RREB1: variants seen among roughly 807,000 people sequenced by gnomAD.
RREB1 encodes the protein ras responsive element binding protein 1.
In RREB1, 27 loss-of-function variants were observed where a neutral mutation model predicts 117.8. That is an observed-to-expected ratio of 0.23 (90% CI 0.17 to 0.32). The LOEUF (loss-of-function observed/expected upper bound fraction) is 0.32. Among genes scored for constraint, RREB1 ranks in the 10% least tolerant of loss-of-function variants. RREB1 has a pLI of 1.00. For missense variants in RREB1, 2,577 were observed against 2,378.2 expected (o/e 1.08, Z -1.74); for synonymous variants, 1,298 against 1,026.7 (o/e 1.26, Z -5.05).
chr6:7,216,713 T>C (rs1323280923), intron 8 of RREB1: 1 of 152,200 alleles, frequency 6.6e-6, no homozygotes, highest in East Asian at 1.9e-4. Flanking sequence ...GATAAAATAT[T>C]TGTCAGCATC....
rs925829937 is a variant in RREB1 at position 7,211,089 on chromosome 6, A to G, written c.570+141A>G. The G allele has an allele frequency of 1.3e-4, 109 of 830,750 alleles. 2 individuals are homozygous for G. In the South Asian group the frequency reaches 2.0e-3, roughly 15 times the overall value. The allele number at this position is 830,750 out of a possible 1,614,324, so 51.5% of individuals were successfully genotyped here. ...GTGTGTTTTCCCATACTGTTTCTGT[A>G]AAGTGTCTAAGAAAAGAGTACCAGT... On this transcript the variant is annotated intron_variant, in intron 7 of 12. Transcript: ENST00000379938.
intron 10 of RREB1, among the ~76,000 whole-genome samples, chr6:7,233,923 A>G (rs981604619): frequency 1.7e-4 from 26 of 152,156 alleles, no homozygotes; most frequent in African/African-American, 5.3e-4. Flanking sequence ...TGTGGCTGGG[A>G]GCGATAGGAC....
rs757061696 is a variant in RREB1, at chr6:7,226,451, C to T, written c.708-16C>T. 1.9e-6 allele frequency: 3 copies of T among 1,597,290 alleles called. No homozygotes were observed. The South Asian group carries it at 3.4e-5, about 18-fold the overall frequency. On this transcript the variant is annotated splice_polypyrimidine_tract_variant and intron_variant, in intron 8 of 12. Coordinates refer to ENST00000379938, the MANE Select transcript of RREB1 (RefSeq NM_001003699.4). The stretch of plus-strand genomic sequence containing the variant: ...TCTCCCTTTCTGCCTCATATGTTCT[C>T]CCTTTCCTCTCCTAGATGTGACATT...
At chr6:7,247,332 C>A in intron 12 of RREB1, 111 bp downstream of exon 12, 1 of 966,854 alleles carries the variant, frequency 1.0e-6, no homozygotes, top group Non-Finnish European at 1.5e-6. Flanking sequence ...CGTTTGCTTA[C>A]GTTGCCGGTG....
chr6:7,143,908 G>C (rs1224789080), intron 1 of RREB1, among the ~76,000 whole-genome samples: 1 of 43,488 alleles, frequency 2.3e-5, no homozygotes, highest in Admixed American at 2.8e-4. Flanking sequence ...CCACCATTTT[G>C]TCCACACTAG....
intron 1 of RREB1, among the ~76,000 whole-genome samples, chr6:7,147,323 C>T (rs1022510771): frequency 6.6e-6 from 1 of 152,190 alleles, no homozygotes; most frequent in African/African-American, 2.4e-5. Context: ...TGCATTTCAG[C>T]TTGGAGTGCG....
chr6:7,221,170 T>TC (rs1210202832), intron 8 of RREB1, among the ~76,000 whole-genome samples: 1 of 151,852 alleles, frequency 6.6e-6, no homozygotes, highest in Non-Finnish European at 1.5e-5. Flanking sequence ...GTTTTTCTTT[T>TC]TTTTTTTTTG....
At position 7,188,226 on chromosome 6, in the gene RREB1, C is replaced by CGTGTGTGTGTGT. The variant is rs149501678; in HGVS notation, c.261+719_261+730dup. Among the ~76,000 whole-genome samples the CGTGTGTGTGTGT allele has an allele frequency of 2.0e-3, 302 of 149,404 alleles. 1 individual carries two copies. The highest frequency in any genetic ancestry group is 2.8e-3 in the Non-Finnish European group (189 of 67,412). ...TAAAATAGAATCGCTCCCCCCCACA[C>CGTGTGTGTGTGT]GTGTGTGTGTGTGTGTGTGTGTGTG... On this transcript the variant is annotated intron_variant, in intron 5 of 12. Coordinates refer to ENST00000379938, the MANE Select transcript of RREB1 (RefSeq NM_001003699.4).
chr6:7,114,790 A>G (rs1021782040), intron 1 of RREB1, among the ~76,000 whole-genome samples: 3 of 152,238 alleles, frequency 2.0e-5, no homozygotes, highest in African/African-American at 7.2e-5. Context: ...GTTAAGTGGC[A>G]TTAAATATAT....
intron 11 of RREB1, among the ~76,000 whole-genome samples, chr6:7,245,578 A>G (rs1768953940): frequency 6.6e-6 from 1 of 152,210 alleles, no homozygotes; most frequent in Admixed American, 6.5e-5. Flanking sequence ...ATCCCTTAAA[A>G]GGACTGTTGA....
chr6:7,143,993 G>A (rs1762748834), intron 1 of RREB1, among the ~76,000 whole-genome samples: 1 of 151,334 alleles, frequency 6.6e-6, no homozygotes, highest in Admixed American at 6.6e-5. Context: ...CAAACTGTTG[G>A]TCTAGGGATC....
intron 9 of RREB1, 47 bp from the exon 10 acceptor site, chr6:7,228,950 C>A: frequency 7.0e-7 from 1 of 1,434,754 alleles, no homozygotes; most frequent in South Asian, 1.7e-5. Context: ...ATTATTTTTT[C>A]AATCTTCACA....
Position 7,146,049 on chromosome 6 carries a change from C to T in RREB1, c.-284-30606C>T, listed in dbSNP as rs532407461. On this transcript the variant is annotated intron_variant, in intron 1 of 12. Coordinates refer to ENST00000379938, the MANE Select transcript of RREB1 (RefSeq NM_001003699.4). ...TCCTTCCTGCTCTGCGCACCGTCTC[C>T]CCACCGCCCCCCAGGACTTTAATAC... is the stretch of plus-strand genomic sequence containing the variant. Among the ~76,000 whole-genome samples the T allele has an allele frequency of 3.9e-5, 6 of 152,002 alleles. No homozygotes were observed. The East Asian group carries it at 1.2e-3, about 29-fold the overall frequency.
At chr6:7,161,596 C>G (rs1025323329) in intron 1 of RREB1, among the ~76,000 whole-genome samples, 2 of 152,140 alleles carry the variant, frequency 1.3e-5, no homozygotes, top group Non-Finnish European at 1.5e-5. Flanking sequence ...CCTTTCCTAT[C>G]TTTCTCAAAA....
intron 1 of RREB1, among the ~76,000 whole-genome samples, chr6:7,144,570 T>A (rs2113400407): frequency 6.6e-6 from 1 of 152,346 alleles, no homozygotes; most frequent in South Asian, 2.1e-4. Flanking sequence ...CCTGTGTAAT[T>A]ATATAGGTGC....
chr6:7,135,892 T>TA (rs1170872365), intron 1 of RREB1, among the ~76,000 whole-genome samples: 1 of 152,224 alleles, frequency 6.6e-6, no homozygotes, highest in Non-Finnish European at 1.5e-5. Flanking sequence ...TTTCTGCTGA[T>TA]ACTAAAGCTG....
At chr6:7,113,071 G>T (rs1184906706) in intron 1 of RREB1, among the ~76,000 whole-genome samples, 1 of 152,226 alleles carries the variant, frequency 6.6e-6, no homozygotes, top group Non-Finnish European at 1.5e-5. Flanking sequence ...AGAGGGTGGA[G>T]ATTGTTTGTT....
intron 6 of RREB1, among the ~76,000 whole-genome samples, chr6:7,199,245 G>A (rs141810101): frequency 6.6e-6 from 1 of 152,166 alleles, no homozygotes; most frequent in Non-Finnish European, 1.5e-5. Context: ...CATCTTTAGT[G>A]GGGGTAACGT....
intron 5 of RREB1, among the ~76,000 whole-genome samples, chr6:7,188,183 C>G (rs1402250771): frequency 6.6e-6 from 1 of 151,448 alleles, no homozygotes; most frequent in Non-Finnish European, 1.5e-5. Flanking sequence ...AAATAAATCT[C>G]AAAATAAATA....
Sources: gnomAD v4.1 joint callset for allele counts (sites outside exome capture counted in the v4.1 genomes callset) on GRCh38, gnomAD v4.1.1 for gene constraint, MANE v1.5 for transcripts, NCBI Gene and HGNC (gene_info 2026-07-23, HGNC 2026-07-21) for gene names.